The following CCDC85C variants were observed in gnomAD, a reference collection of about 807,000 sequenced individuals.
CCDC85C encodes the protein coiled-coil domain containing 85C, also known as coiled-coil domain-containing protein 85C.
In CCDC85C, 18 loss-of-function variants were observed where a neutral mutation model predicts 38.3. The ratio of observed to expected loss-of-function variants is 0.47; its 90% CI spans 0.33 to 0.70. The LOEUF (loss-of-function observed/expected upper bound fraction) is 0.70. Among genes scored for constraint, CCDC85C ranks in the 30% least tolerant of loss-of-function variants. CCDC85C has a pLI of 0.03. For missense variants in CCDC85C, 566 were observed against 621.2 expected, an observed-to-expected ratio of 0.91 and a Z score of 0.94; for synonymous variants, 264 against 293.8, an observed-to-expected ratio of 0.90 and a Z score of 1.04.
chr14:99,603,935 C>T lies in CCDC85C; in HGVS notation c.25G>A (p.Ala9Thr). ...TGGCTCAGCTCCTCCGACGCCGCCGCCGCCGTCGCCGCGGGCTTAGCCATG... is the reference window on the plus strand; with the variant it reads ...TGGCTCAGCTCCTCCGACGCCGCCGTCGCCGTCGCCGCGGGCTTAGCCATG... MAKPAATA[A>T]AASEELSQVP... is the part of the protein sequence containing the mutation. Residue 9 changes from alanine to threonine, a missense_variant, in exon 1 of 6, where the codon GCG becomes ACG. This residue lies in a region of CCDC85C where 269 missense variants were observed against 308.2 expected (regional missense o/e 0.87). Transcript: ENST00000380243. The surrounding 1 kb of genome is among the most constrained non-coding windows in gnomAD (Gnocchi z 7.5). 7.1e-7 allele frequency: 1 copy of T among 1,411,044 alleles called. No homozygotes were observed. The highest frequency in any genetic ancestry group is 9.2e-7 in the Non-Finnish European group (1 of 1,088,048). The allele number at this position is 1,411,044 out of a possible 1,614,324, so 87.4% of individuals were successfully genotyped here.
intron 2 of CCDC85C, among the ~76,000 whole-genome samples, chr14:99,523,456 C>T (rs1373222576): frequency 6.6e-6 from 1 of 152,208 alleles, no homozygotes; most frequent in Non-Finnish European, 1.5e-5. Context: ...GAGCTTGGCT[C>T]AAGGGCCAGC....
At chr14:99,567,376 G>A (rs1898236780) in intron 1 of CCDC85C, among the ~76,000 whole-genome samples, 1 of 152,206 alleles carries the variant, frequency 6.6e-6, no homozygotes, top group East Asian at 1.9e-4. Context: ...GGGTGGATGA[G>A]TTGGGGGCGT....
In CCDC85C at chr14:99,515,264, C is replaced by T. The variant is rs372260518; in HGVS notation, c.1242G>A (p.Gln414=). 733 of 1,550,832 alleles carry T rather than the reference C, an allele frequency of 4.7e-4. 5 individuals are homozygous for T. In the African/African-American group the frequency reaches 8.9e-3, roughly 19 times the overall value. ...AGTGGCCCTACAAAGGCCCCTTGAA[C>T]TGGTTCCCAGACAGGTGCTGCCGTA... is the stretch of plus-strand genomic sequence containing the variant. ...PSIRQHLSGN[Q]FKGPL is the part of the protein sequence containing the mutation. Residue 414 remains glutamine (Q), a synonymous_variant, in exon 6 of 6, where the codon CAG becomes CAA. Transcript: ENST00000380243.
intron 3 of CCDC85C, among the ~76,000 whole-genome samples, chr14:99,518,738 G>A (rs1004788043): frequency 6.6e-6 from 1 of 152,224 alleles, no homozygotes; most frequent in African/African-American, 2.4e-5. Flanking sequence ...TGGGCTGCCT[G>A]TCCTGTTACA....
Position 99,510,510 on chromosome 14 carries a change from C to T in CCDC85C, c.*4736G>A, listed in dbSNP as rs1177345987. 3 of 769,474 alleles carry T rather than the reference C, an allele frequency of 3.9e-6. No homozygotes were observed. The highest frequency in any genetic ancestry group is 1.6e-5 in the South Asian group (1 of 61,336). The allele number at this position is 769,474 out of a possible 1,614,324, so 47.7% of individuals were successfully genotyped here. On this transcript the variant is annotated 3_prime_UTR_variant, in exon 6 of 6. Transcript: ENST00000380243. The stretch of plus-strand genomic sequence containing the variant: ...GCCCCCGCCACCTGTGCCTCCTCCC[C>T]CAGCCTCCTTCCCCCCACCTGCCAT...
intron 3 of CCDC85C, among the ~76,000 whole-genome samples, chr14:99,517,859 C>T (rs530912067): frequency 2.0e-5 from 3 of 152,328 alleles, no homozygotes; most frequent in South Asian, 2.1e-4. Context: ...GCTTCTGCCT[C>T]GGGCTGCAGT....
In CCDC85C at chr14:99,502,915, G is replaced by T. The variant is rs1379776671; in HGVS notation, c.*12331C>A. The T allele has an allele frequency of 6.2e-6, 10 of 1,613,750 alleles. No homozygotes were observed. The East Asian group carries it at 2.2e-4, about 36-fold the overall frequency. ...ACCCCCAGCAACCAGCCCAGCAGCA[G>T]CAGCCAGCCCAACAGCCCAAGAAAC... On this transcript the variant is annotated 3_prime_UTR_variant, in exon 6 of 6. Coordinates refer to ENST00000380243, the MANE Select transcript of CCDC85C (RefSeq NM_001144995.2).
chr14:99,571,122 G>C (rs1047464054), intron 1 of CCDC85C, among the ~76,000 whole-genome samples: 35 of 152,186 alleles, frequency 2.3e-4, no homozygotes, highest in African/African-American at 8.2e-4. Context: ...TCACGGGAAG[G>C]AGGAATGAAG....
chr14:99,539,749 C>G (rs188524607), intron 1 of CCDC85C, among the ~76,000 whole-genome samples: 1 of 152,198 alleles, frequency 6.6e-6, no homozygotes, highest in Non-Finnish European at 1.5e-5. Context: ...CCTGACTGTG[C>G]GGCTGCTCAG....
Position 99,501,715 on chromosome 14 carries a change from T to G in CCDC85C, c.*13531A>C. ...ACTAATTACTTAGAGCCCATTTGGT[T>G]TTGCAAAAATATACTTCCTGGTATA... On this transcript the variant is annotated 3_prime_UTR_variant, in exon 6 of 6. Transcript: ENST00000380243. 1 of 345,122 alleles carries G rather than the reference T, an allele frequency of 2.9e-6. No individual in the cohort carries two copies. Among genetic ancestry groups the G allele is most frequent in the Admixed American group, 4.6e-5 (1 of 21,764 alleles). 21.4% of individuals were successfully genotyped at this position (345,122 alleles called of 1,614,324 possible). A position where few individuals can be genotyped will look rare whatever the true frequency, so the allele number is the denominator to read the frequency against.
chr14:99,508,941 C>A lies in CCDC85C; in HGVS notation c.*6305G>T, dbSNP rs533743838. ...GTCAGCTCCTAGAACCACAGGGCAT[C>A]TGGCCCTGACCTGGAGCCAAAGCCA... On this transcript the variant is annotated 3_prime_UTR_variant, in exon 6 of 6. Transcript: ENST00000380243. 4.6e-4 allele frequency: 70 copies of A among 152,396 alleles called. 1 individual carries two copies. Among genetic ancestry groups the A allele is most frequent in the Admixed American group, 4.6e-3 (70 of 15,304 alleles). The allele number at this position is 152,396 out of a possible 1,614,324, so 9.4% of individuals were successfully genotyped here. A position where few individuals can be genotyped will look rare whatever the true frequency, so the allele number is the denominator to read the frequency against.
intron 1 of CCDC85C, among the ~76,000 whole-genome samples, chr14:99,583,807 TAAAAAAA>T (rs34283477): frequency 8.7e-6 from 1 of 115,154 alleles, no homozygotes; most frequent in Non-Finnish European, 1.8e-5. Context: ...GGCTCTGTCT[TAAAAAAA>T]AAAAAAAAAA....
intron 1 of CCDC85C, among the ~76,000 whole-genome samples, chr14:99,551,961 A>G (rs1000375361): frequency 2.8e-4 from 43 of 152,196 alleles, no homozygotes; most frequent in African/African-American, 9.9e-4. Context: ...AGGAAAAGTA[A>G]ATTCCAGGCC....
chr14:99,517,046 C>T (rs1383637314), intron 4 of CCDC85C, 42 bp downstream of exon 4: 3 of 1,519,006 alleles, frequency 2.0e-6, no homozygotes, highest in Admixed American at 3.9e-5. Context: ...ACAGTGCACC[C>T]AGCATCTGAG....
In CCDC85C at chr14:99,502,454, A is replaced by G. The variant is rs902437046; in HGVS notation, c.*12792T>C. 6 of 1,531,484 alleles carry G rather than the reference A, an allele frequency of 3.9e-6. No homozygotes were observed. Among genetic ancestry groups the G allele is most frequent in the Admixed American group, 2.2e-5 (1 of 46,188 alleles). The allele number at this position is 1,531,484 out of a possible 1,614,324, so 94.9% of individuals were successfully genotyped here. On this transcript the variant is annotated 3_prime_UTR_variant, in exon 6 of 6. Coordinates refer to ENST00000380243, the MANE Select transcript of CCDC85C (RefSeq NM_001144995.2). ...TTCCATGTGTACCCTGAGTCCCAAG[A>G]ATGGATTTTCCCAGATAGACATATG...
intron 1 of CCDC85C, among the ~76,000 whole-genome samples, chr14:99,590,809 C>G (rs1217627454): frequency 9.2e-5 from 14 of 152,318 alleles, no homozygotes; most frequent in Non-Finnish European, 1.6e-4. Flanking sequence ...TGATGCCACC[C>G]TGATGCCCCC....
chr14:99,510,426 C>T lies in CCDC85C; in HGVS notation c.*4820G>A. On this transcript the variant is annotated 3_prime_UTR_variant, in exon 6 of 6. Coordinates refer to ENST00000380243, the MANE Select transcript of CCDC85C (RefSeq NM_001144995.2). ...GGGACCCTCCTACGGTGCCCTGCCC[C>T]CCGCCTACGGCCCACCTGCACACCT... is the stretch of plus-strand genomic sequence containing the variant. 1 of 1,548,210 alleles carries T rather than the reference C, an allele frequency of 6.5e-7. No homozygotes were observed. The highest frequency in any genetic ancestry group is 1.4e-5 in the African/African-American group (1 of 72,478).
Position 99,503,716 on chromosome 14 carries a change from T to G in CCDC85C, c.*11530A>C. 1 of 1,347,494 alleles carries G rather than the reference T, an allele frequency of 7.4e-7. No homozygotes were observed. The highest frequency in any genetic ancestry group is 1.0e-6 in the Non-Finnish European group (1 of 973,578). 83.5% of individuals were successfully genotyped at this position (1,347,494 alleles called of 1,614,324 possible). On this transcript the variant is annotated 3_prime_UTR_variant, in exon 6 of 6. Coordinates refer to ENST00000380243, the MANE Select transcript of CCDC85C (RefSeq NM_001144995.2). The stretch of plus-strand genomic sequence containing the variant: ...AAAACTTTAAATTCTTAGCCAACAT[T>G]GTTTCTTTTCAGATCTAAATTGGCC...
At chr14:99,517,994 G>A (rs1391952424) in intron 3 of CCDC85C, among the ~76,000 whole-genome samples, 2 of 152,178 alleles carry the variant, frequency 1.3e-5, no homozygotes, top group Non-Finnish European at 2.9e-5. Flanking sequence ...CCCTGGAAGC[G>A]GGGTTTCCAG....
Sources: allele counts gnomAD v4.1 joint callset (sites outside exome capture counted in the v4.1 genomes callset), GRCh38; gene constraint gnomAD v4.1.1; regional missense constraint gnomAD v4.1.1; non-coding constraint Gnocchi (gnomAD v3.1); transcripts MANE v1.5; gene names NCBI Gene and HGNC (gene_info 2026-07-23, HGNC 2026-07-21).